USP28: variants seen among roughly 807,000 people sequenced by gnomAD.
The protein encoded by USP28 is ubiquitin carboxyl-terminal hydrolase 28.
In USP28, 113 loss-of-function variants were observed where a neutral mutation model predicts 145.0. The observed-to-expected ratio is 0.78, with a 90% confidence interval of 0.67 to 0.91. The LOEUF is 0.91. Ranked by LOEUF, USP28 falls within the 40% of genes least tolerant of loss-of-function variation. The pLI, the probability that USP28 is intolerant of heterozygous loss-of-function variation, is 0.00. For missense variants in USP28, 1,201 were observed against 1,289.6 expected (o/e 0.93, Z 1.05); for synonymous variants, 447 against 450.9 (o/e 0.99, Z 0.11).
intron 6 of USP28, 63 bp from the exon 7 acceptor site, chr11:113,833,620 GA>G (rs1355195529): frequency 7.2e-6 from 11 of 1,529,458 alleles, no homozygotes; most frequent in South Asian, 2.5e-5. Context: ...AACGTGTAAA[GA>G]AAAAAAAGTT....
rs771490595 is a variant in USP28, at chr11:113,827,376, G to C, written c.1060-16C>G. 23 of 1,560,152 alleles carry C rather than the reference G, an allele frequency of 1.5e-5. No individual in the cohort carries two copies. In the Admixed American group the frequency reaches 5.1e-4, roughly 34 times the overall value. Reference sequence around the variant, plus strand: ...TAAACCAACGCTAGTGTCAAGAGTAGAAATGTGAGAGAAAGAAAAATTAAT... The same window carrying C: ...TAAACCAACGCTAGTGTCAAGAGTACAAATGTGAGAGAAAGAAAAATTAAT... On this transcript the variant is annotated splice_polypyrimidine_tract_variant and intron_variant, in intron 10 of 24. Transcript: ENST00000003302.
chr11:113,845,851 A>T (rs1945775514), intron 3 of USP28, among the ~76,000 whole-genome samples: 1 of 152,252 alleles, frequency 6.6e-6, no homozygotes, highest in Admixed American at 6.5e-5. Context: ...CTGGGATCAC[A>T]GATATGAGCT....
chr11:113,874,816 G>C, intron 1 of USP28: 2 of 1,060,226 alleles, frequency 1.9e-6, no homozygotes, highest in East Asian at 8.1e-5. Context: ...TAGACATTGG[G>C]AACAGGAGAT....
intron 10 of USP28, 23 bp from the exon 11 acceptor site, chr11:113,827,383 G>T: frequency 1.3e-6 from 2 of 1,551,066 alleles, no homozygotes; most frequent in Admixed American, 2.2e-5. Flanking sequence ...GTAGAAATGT[G>T]AGAGAAAGAA....
intron 3 of USP28, among the ~76,000 whole-genome samples, chr11:113,845,060 C>T (rs2136271295): frequency 6.7e-6 from 1 of 149,504 alleles, no homozygotes; most frequent in Middle Eastern, 3.4e-3. Flanking sequence ...GTCAAGGCTG[C>T]AGTGAGCCCT....
intron 3 of USP28, among the ~76,000 whole-genome samples, chr11:113,846,132 T>C (rs1591388532): frequency 6.6e-6 from 1 of 152,176 alleles, no homozygotes; most frequent in East Asian, 1.9e-4. Flanking sequence ...TTATACGAGG[T>C]TCTTAGAAAT....
intron 3 of USP28, among the ~76,000 whole-genome samples, chr11:113,844,711 T>C (rs1945623969): frequency 6.6e-6 from 1 of 152,134 alleles, no homozygotes; most frequent in Admixed American, 6.6e-5. Flanking sequence ...AGATATAATT[T>C]CACACCCATA....
At chr11:113,801,505 A>G (rs779832610) in exon 24 of USP28, 2 of 1,586,554 alleles carry the variant, frequency 1.3e-6, no homozygotes, top group Non-Finnish European at 1.7e-6. Flanking sequence ...GCCCAAGGTA[A>G]GAGCACCAAT....
At chr11:113,807,982 A>C in intron 18 of USP28, 1 of 1,186,486 alleles carries the variant, frequency 8.4e-7, no homozygotes, top group Non-Finnish European at 1.1e-6. Flanking sequence ...ATCAGATCTA[A>C]CCAGAATCCT....
intron 18 of USP28, chr11:113,808,001 T>C: frequency 8.3e-7 from 1 of 1,211,916 alleles, no homozygotes; most frequent in East Asian, 4.6e-5. Flanking sequence ...CTTCCCACAC[T>C]GGGAATCTCG....
chr11:113,841,267 C>T (rs1367252386), intron 4 of USP28, among the ~76,000 whole-genome samples: 1 of 152,142 alleles, frequency 6.6e-6, no homozygotes, highest in East Asian at 1.9e-4. Context: ...CCAATTAGTA[C>T]CAGTTCAAAA....
intron 13 of USP28, 34 bp from the exon 14 acceptor site, chr11:113,815,416 T>C: frequency 1.3e-6 from 2 of 1,594,294 alleles, no homozygotes; most frequent in Non-Finnish European, 1.7e-6. Flanking sequence ...CATATGATAA[T>C]TTCCAAAAGA....
chr11:113,871,703 G>C (rs1269472335), intron 1 of USP28, among the ~76,000 whole-genome samples: 1 of 152,182 alleles, frequency 6.6e-6, no homozygotes, highest in Non-Finnish European at 1.5e-5. Flanking sequence ...GGGAGAGGGG[G>C]ACAAAACAGA....
chr11:113,830,873 G>A (rs1943901135), exon 9 of USP28: 4 of 1,613,582 alleles, frequency 2.5e-6, no homozygotes, highest in Non-Finnish European at 2.5e-6. Flanking sequence ...TTACCTTCAC[G>A]AACCCCTTCA....
At chr11:113,874,455 T>G in intron 1 of USP28, 8 of 492,660 alleles carry the variant, frequency 1.6e-5, no homozygotes, top group East Asian at 1.0e-4. Flanking sequence ...AAAAAGTGTC[T>G]CCATGCTAAA....
At chr11:113,820,606 A>ATTAC (rs1942451457) in intron 12 of USP28, among the ~76,000 whole-genome samples, 1 of 152,212 alleles carries the variant, frequency 6.6e-6, no homozygotes, top group Non-Finnish European at 1.5e-5. Flanking sequence ...GCACCATGAA[A>ATTAC]GAGGTAAAAG....
intron 13 of USP28, among the ~76,000 whole-genome samples, chr11:113,817,202 A>T (rs1941868180): frequency 6.6e-6 from 1 of 152,180 alleles, no homozygotes. Context: ...AGCCCCTCTA[A>T]GCTGTCCTCT....
intron 2 of USP28, 139 bp downstream of exon 2, chr11:113,854,119 T>C (rs142558339): frequency 4.2e-4 from 300 of 717,028 alleles, no homozygotes; most frequent in African/African-American, 3.7e-3. Flanking sequence ...GTTGAAGACA[T>C]TGGGTCAGTC....
intron 4 of USP28, among the ~76,000 whole-genome samples, chr11:113,841,083 T>A (rs1945145134): frequency 6.6e-6 from 1 of 152,170 alleles, no homozygotes. Flanking sequence ...CACCATCGAA[T>A]AGGGCAGGAG....
Sources: gnomAD v4.1 joint callset for allele counts (sites outside exome capture counted in the v4.1 genomes callset) on GRCh38, gnomAD v4.1.1 for gene constraint, MANE v1.5 for transcripts, NCBI Gene and HGNC (gene_info 2026-07-23, HGNC 2026-07-21) for gene names.